Variants in FBXO17 observed in about 807,000 individuals in gnomAD.
FBXO17 encodes the protein F-box only protein 17.
A neutral mutation model predicts 34.1 loss-of-function variants in FBXO17; 43 were observed. The ratio of observed to expected loss-of-function variants is 1.26; its 90% CI spans 0.99 to 1.62. The LOEUF (loss-of-function observed/expected upper bound fraction) is 1.62. Among genes scored for constraint, FBXO17 ranks in the 40% most tolerant of loss-of-function variants. The probability of loss-of-function intolerance (pLI) is 0.00; values close to 1 mark genes in which losing one functional copy is unlikely to be tolerated. For missense variants in FBXO17, 424 were observed against 386.7 expected (o/e 1.10, Z -0.81); for synonymous variants, 169 against 166.0 (o/e 1.02, Z -0.14).
chr19:38,943,781 G>T (rs1456105150), intron 5 of FBXO17, among the ~76,000 whole-genome samples: 1 of 152,120 alleles, frequency 6.6e-6, no homozygotes, highest in Non-Finnish European at 1.5e-5. Flanking sequence ...AGTAGAGACA[G>T]GGTTTCACTG....
intron 1 of FBXO17, among the ~76,000 whole-genome samples, chr19:38,961,557 G>A (rs951047171): frequency 1.3e-4 from 20 of 151,974 alleles, no homozygotes; most frequent in African/African-American, 3.4e-4. Context: ...TTACAGGTGT[G>A]AGCCACCGCT....
At chr19:38,947,671 C>T (rs184948014) in intron 3 of FBXO17, among the ~76,000 whole-genome samples, 7 of 152,260 alleles carry the variant, frequency 4.6e-5, no homozygotes. Context: ...GTAGAGGTGG[C>T]ACCATCATTC....
At chr19:38,971,216 C>G (rs1161362521) in intron 1 of FBXO17, among the ~76,000 whole-genome samples, 2 of 152,064 alleles carry the variant, frequency 1.3e-5, no homozygotes, top group East Asian at 3.9e-4. Flanking sequence ...AGGGAAATTT[C>G]ATGAGATCAG....
chr19:38,955,503 A>C (rs1332984484), intron 1 of FBXO17, among the ~76,000 whole-genome samples: 1 of 107,778 alleles, frequency 9.3e-6, no homozygotes, highest in African/African-American at 3.4e-5. Flanking sequence ...TTTTTTTTTG[A>C]GACAGAGTCT....
At position 38,946,635 on chromosome 19, in the gene FBXO17, C is replaced by T. The variant is rs548002737; in HGVS notation, c.462-68G>A. 2.9e-5 allele frequency: 46 copies of T among 1,586,752 alleles called. No homozygotes were observed. In the East Asian group the frequency reaches 9.9e-4, roughly 34 times the overall value. ...CATTCAAGTCACAGTCAGAAGCCAC[C>T]TCCTCCAAGAAGTCTCCCTTGATAA... On this transcript the variant is annotated intron_variant, in intron 3 of 5. Transcript: ENST00000292852.
Position 38,950,157 on chromosome 19 carries a change from C to A in FBXO17, c.163G>T (p.Gly55Trp). ...AGCTGCAGCAGCCACACAGTGGGCCCGTCCACTATGTCGCGCCAGGCGCGG... is the reference window on the plus strand; with the variant it reads ...AGCTGCAGCAGCCACACAGTGGGCCAGTCCACTATGTCGCGCCAGGCGCGG... ...VCRAWRDIVD[G>W]PTVWLLQLAR... is the part of the protein sequence containing the mutation. The change falls in exon 2 of 6, where the codon GGG becomes TGG. Residue 55 changes from glycine to tryptophan, a missense_variant. Coordinates refer to ENST00000292852, the MANE Select transcript of FBXO17 (RefSeq NM_024907.7). 6.4e-7 allele frequency: 1 copy of A among 1,561,946 alleles called. No homozygotes were observed. Among genetic ancestry groups the A allele is most frequent in the Non-Finnish European group, 8.6e-7 (1 of 1,159,206 alleles).
chr19:38,954,784 T>C (rs1406508497), intron 1 of FBXO17, among the ~76,000 whole-genome samples: 2 of 151,110 alleles, frequency 1.3e-5, no homozygotes, highest in East Asian at 3.9e-4. Context: ...TTCACCATGT[T>C]GGCCAGGCTG....
At chr19:38,965,854 C>G (rs776235955) in intron 1 of FBXO17, among the ~76,000 whole-genome samples, 23 of 152,174 alleles carry the variant, frequency 1.5e-4, no homozygotes, top group Non-Finnish European at 2.6e-4. Flanking sequence ...GTTGGGCAGG[C>G]TGGTCTTGAA....
chr19:38,965,809 T>G (rs1455512008), intron 1 of FBXO17, among the ~76,000 whole-genome samples: 2 of 150,264 alleles, frequency 1.3e-5, no homozygotes, highest in African/African-American at 4.9e-5. Flanking sequence ...TCCCAGCTAA[T>G]TTTTATATTT....
chr19:38,943,408 G>C (rs756766383), intron 5 of FBXO17, among the ~76,000 whole-genome samples: 2 of 151,350 alleles, frequency 1.3e-5, no homozygotes, highest in Non-Finnish European at 2.9e-5. Context: ...CGAGTAGCTG[G>C]GATTACAGGC....
Position 38,950,326 on chromosome 19 carries a change from T to C in FBXO17, c.-7A>G, listed in dbSNP as rs2304118. The C allele has an allele frequency of 0.41, 586,928 of 1,422,486 alleles. 123,581 individuals are homozygous for C. The highest frequency in any genetic ancestry group is 0.67 in the East Asian group (23,856 of 35,454). 88.1% of individuals were successfully genotyped at this position (1,422,486 alleles called of 1,614,324 possible). A position where few individuals can be genotyped will look rare whatever the true frequency, so the allele number is the denominator to read the frequency against. ...GCGATAGCCGGGCGCCCATCTCCAG[T>C]AGCCAGAGTCCTGCAGGTCGAGAGG... On this transcript the variant is annotated 5_prime_UTR_variant, in exon 2 of 6. Coordinates refer to ENST00000292852, the MANE Select transcript of FBXO17 (RefSeq NM_024907.7).
intron 1 of FBXO17, chr19:38,952,482 A>C: frequency 1.9e-6 from 1 of 528,150 alleles, no homozygotes; most frequent in South Asian, 1.4e-5. Context: ...GGGCCTTCCA[A>C]GTGGGGAGGT....
intron 2 of FBXO17, 50 bp downstream of exon 2, chr19:38,949,921 T>A: frequency 1.1e-3 from 1,085 of 945,554 alleles, no homozygotes; most frequent in Non-Finnish European, 1.5e-3. Context: ...CGCCCCCGCC[T>A]CGCTCGCGCG....
At chr19:38,963,538 C>G (rs1322593608) in intron 1 of FBXO17, among the ~76,000 whole-genome samples, 5 of 152,080 alleles carry the variant, frequency 3.3e-5, no homozygotes, top group African/African-American at 4.8e-5. Flanking sequence ...AGCGATCTTC[C>G]CAGCTTGGCC....
At chr19:38,956,031 T>G (rs2144826499) in intron 1 of FBXO17, among the ~76,000 whole-genome samples, 1 of 152,018 alleles carries the variant, frequency 6.6e-6, no homozygotes, top group South Asian at 2.1e-4. Context: ...TTTGGGAGGC[T>G]TAGGTGAGCG....
intron 1 of FBXO17, among the ~76,000 whole-genome samples, chr19:38,951,205 A>T (rs1017296623): frequency 1.6e-4 from 24 of 151,502 alleles, no homozygotes; most frequent in Admixed American, 2.6e-4. Flanking sequence ...CCTTATTTTT[A>T]TTATTATTAC....
chr19:38,963,052 G>A (rs2144836368), intron 1 of FBXO17, among the ~76,000 whole-genome samples: 1 of 152,096 alleles, frequency 6.6e-6, no homozygotes, highest in South Asian at 2.1e-4. Flanking sequence ...TTAGTAACCA[G>A]TTCCTCTTAC....
chr19:38,950,486 C>T, intron 1 of FBXO17, 150 bp from the exon 2 acceptor site: 3 of 1,174,514 alleles, frequency 2.6e-6, no homozygotes, highest in Non-Finnish European at 2.2e-6. Flanking sequence ...TGATCCTAGG[C>T]CTTTCCCAAT....
intron 1 of FBXO17, among the ~76,000 whole-genome samples, chr19:38,961,906 G>A (rs544342954): frequency 0.012 from 1,756 of 150,968 alleles, 21 homozygotes; most frequent in Non-Finnish European, 0.018. Flanking sequence ...CAAGTGATCC[G>A]CCTGCGTCGG....
Sources: allele counts gnomAD v4.1 joint callset (sites outside exome capture counted in the v4.1 genomes callset), GRCh38; gene constraint gnomAD v4.1.1; transcripts MANE v1.5; gene names NCBI Gene and HGNC (gene_info 2026-07-23, HGNC 2026-07-21).